The following PLXDC2 variants were observed in gnomAD, a reference collection of about 807,000 sequenced individuals.
PLXDC2 encodes plexin domain containing 2.
Under a neutral mutation model 68.9 loss-of-function variants are expected in PLXDC2, and 40 were observed. That is an observed-to-expected ratio of 0.58 (90% confidence interval 0.45 to 0.76). The LOEUF (loss-of-function observed/expected upper bound fraction) is 0.76, where lower values mean the gene tolerates loss of function less well. Ranked by LOEUF, PLXDC2 falls within the 30% of genes least tolerant of loss-of-function variation. The pLI is 0.00. For synonymous variants in PLXDC2, 243 were observed against 234.2 expected (o/e 1.04, Z -0.34); for missense variants, 644 against 661.9 (o/e 0.97, Z 0.30).
At chr10:19,876,348 A>G (rs564312562) in intron 1 of PLXDC2, among the ~76,000 whole-genome samples, 2 of 152,296 alleles carry the variant, frequency 1.3e-5, no homozygotes, top group South Asian at 4.1e-4. Flanking sequence ...AAATGTATAC[A>G]AAGATGTGAT....
At chr10:19,866,791 A>G (rs145824884) in intron 1 of PLXDC2, among the ~76,000 whole-genome samples, 1 of 152,336 alleles carries the variant, frequency 6.6e-6, no homozygotes, top group African/African-American at 2.4e-5. Flanking sequence ...AGAAGAACTT[A>G]CAGGCAAAAT....
Position 19,933,452 on chromosome 10 carries a change from G to A in PLXDC2, c.113-68323G>A, listed in dbSNP as rs750945544. 1.4e-4 allele frequency among the ~76,000 whole-genome samples: 22 copies of A among 152,102 alleles called. No homozygotes were observed. In the East Asian group the frequency reaches 1.8e-3, roughly 12 times the overall value. On this transcript the variant is annotated intron_variant, in intron 1 of 13. Coordinates refer to ENST00000377252, the MANE Select transcript of PLXDC2 (RefSeq NM_032812.9). ...AGTTCGAGACCAGCCTGGCCAAGAT[G>A]GTGAAACCCCATCTCTCGTAAAAAT...
At chr10:19,817,589 G>T (rs1338967578) in intron 1 of PLXDC2, among the ~76,000 whole-genome samples, 1 of 152,146 alleles carries the variant, frequency 6.6e-6, no homozygotes, top group Non-Finnish European at 1.5e-5. Flanking sequence ...TGTGGTATGG[G>T]GTGGGTGGGG....
intron 13 of PLXDC2, among the ~76,000 whole-genome samples, chr10:20,254,093 A>G (rs939657939): frequency 3.9e-5 from 6 of 152,318 alleles, no homozygotes; most frequent in Admixed American, 2.6e-4. Flanking sequence ...CCCCGGCCCT[A>G]TAGCCTGAGA....
rs1836155932 is a variant in PLXDC2, at chr10:20,286,626, A to G, written c.*6807A>G. On this transcript the variant is annotated 3_prime_UTR_variant, in exon 14 of 14. Transcript: ENST00000377252. Reference sequence around the variant, plus strand: ...CTAATTTTAGAAGTTTCATGGGGGAATTTTAGGGGAAAGTATAAACCTAAG... The same window carrying G: ...CTAATTTTAGAAGTTTCATGGGGGAGTTTTAGGGGAAAGTATAAACCTAAG... The G allele has an allele frequency of 6.6e-6, 1 of 152,192 alleles. No homozygotes were observed. The highest frequency in any genetic ancestry group is 1.5e-5 in the Non-Finnish European group (1 of 68,026). 9.4% of individuals were successfully genotyped at this position (152,192 alleles called of 1,614,324 possible).
chr10:19,899,442 C>G (rs184843937), intron 1 of PLXDC2, among the ~76,000 whole-genome samples: 1 of 152,006 alleles, frequency 6.6e-6, no homozygotes. Context: ...TTTAAATTAC[C>G]AACTGTTGCC....
chr10:19,934,809 C>G (rs1833696122), intron 1 of PLXDC2, among the ~76,000 whole-genome samples: 1 of 152,214 alleles, frequency 6.6e-6, no homozygotes, highest in Admixed American at 6.5e-5. Flanking sequence ...GCCATCTAAT[C>G]ATCTATAATG....
chr10:20,152,512 T>C (rs1182134432), intron 6 of PLXDC2, among the ~76,000 whole-genome samples: 1 of 152,144 alleles, frequency 6.6e-6, no homozygotes, highest in African/African-American at 2.4e-5. Flanking sequence ...TAGAGTTTGC[T>C]TAGAAATCAG....
At chr10:20,103,163 T>A (rs1273261872) in intron 4 of PLXDC2, among the ~76,000 whole-genome samples, 1 of 152,210 alleles carries the variant, frequency 6.6e-6, no homozygotes, top group Admixed American at 6.5e-5. Flanking sequence ...CCCACAATAC[T>A]TTTAGGGGCC....
chr10:19,964,196 G>C (rs1331489672), intron 1 of PLXDC2, among the ~76,000 whole-genome samples: 3 of 152,192 alleles, frequency 2.0e-5, no homozygotes, highest in Non-Finnish European at 4.4e-5. Flanking sequence ...TTACTGGCCA[G>C]ACCACACTGA....
chr10:19,838,035 A>G (rs1287246093), intron 1 of PLXDC2, among the ~76,000 whole-genome samples: 1 of 152,114 alleles, frequency 6.6e-6, no homozygotes, highest in South Asian at 2.1e-4. Flanking sequence ...GTCTCATTCT[A>G]TTGCCCAGAC....
At chr10:20,104,201 G>A (rs189984259) in intron 4 of PLXDC2, among the ~76,000 whole-genome samples, 39 of 152,252 alleles carry the variant, frequency 2.6e-4, no homozygotes, top group African/African-American at 8.7e-4. Flanking sequence ...CTAGGGAAAC[G>A]CAATGAGATT....
intron 1 of PLXDC2, among the ~76,000 whole-genome samples, chr10:19,894,941 G>T (rs1838031817): frequency 6.6e-6 from 1 of 152,172 alleles, no homozygotes; most frequent in African/African-American, 2.4e-5. Flanking sequence ...ATACCCAAAG[G>T]ATTATAAATC....
intron 6 of PLXDC2, among the ~76,000 whole-genome samples, chr10:20,149,456 C>G (rs914265264): frequency 1.3e-5 from 2 of 151,922 alleles, no homozygotes; most frequent in African/African-American, 4.8e-5. Context: ...TCAGGCTGGT[C>G]TTGAACGCCC....
chr10:20,055,410 A>AT (rs1405483345), intron 3 of PLXDC2, among the ~76,000 whole-genome samples: 2 of 151,914 alleles, frequency 1.3e-5, no homozygotes, highest in South Asian at 4.1e-4. Context: ...GGATATATTT[A>AT]TTTTTTTCTT....
chr10:19,821,440 A>G (rs1185098993), intron 1 of PLXDC2, among the ~76,000 whole-genome samples: 1 of 152,222 alleles, frequency 6.6e-6, no homozygotes. Context: ...GCCTTCTTCA[A>G]AGGCACTTGC....
At chr10:20,246,424 A>T (rs1835596104) in intron 13 of PLXDC2, among the ~76,000 whole-genome samples, 1 of 152,144 alleles carries the variant, frequency 6.6e-6, no homozygotes, top group Non-Finnish European at 1.5e-5. Flanking sequence ...ATCTCGGCTC[A>T]CTGCAACCTC....
chr10:19,941,892 T>C (rs1833825096), intron 1 of PLXDC2, among the ~76,000 whole-genome samples: 2 of 152,136 alleles, frequency 1.3e-5, no homozygotes, highest in African/African-American at 4.8e-5. Flanking sequence ...TATTTTTTAA[T>C]TTTTTTCATA....
chr10:19,862,194 A>C (rs1383349050), intron 1 of PLXDC2, among the ~76,000 whole-genome samples: 2 of 152,208 alleles, frequency 1.3e-5, no homozygotes, highest in Non-Finnish European at 2.9e-5. Flanking sequence ...AATTATTTAA[A>C]CTAAAGTGTT....
Sources: gnomAD v4.1 joint callset for allele counts (sites outside exome capture counted in the v4.1 genomes callset) on GRCh38, gnomAD v4.1.1 for gene constraint, MANE v1.5 for transcripts, NCBI Gene and HGNC (gene_info 2026-07-23, HGNC 2026-07-21) for gene names.